The following TAF8 variants were observed in gnomAD, a reference collection of about 807,000 sequenced individuals.
The protein encoded by TAF8 is TATA-box binding protein associated factor 8, also known as transcription initiation factor TFIID subunit 8.
TAF8 carries 47 observed loss-of-function variants against 36.5 expected under a neutral mutation model. That is an observed-to-expected ratio of 1.29 (90% CI 1.02 to 1.64). The LOEUF is 1.64. Among genes scored for constraint, TAF8 ranks in the 40% most tolerant of loss-of-function variants. The pLI, the probability that TAF8 is intolerant of heterozygous loss-of-function variation, is 0.00. For missense variants in TAF8, 420 were observed against 407.6 expected (o/e 1.03, Z -0.26); for synonymous variants, 175 against 159.5 (o/e 1.10, Z -0.73).
chr6:42,059,710 C>G (rs1488377569), intron 5 of TAF8, among the ~76,000 whole-genome samples: 1 of 152,202 alleles, frequency 6.6e-6, no homozygotes, highest in African/African-American at 2.4e-5. Context: ...AAACTCTAAA[C>G]TAAGTTTCTC....
chr6:42,050,550 C>T lies in TAF8; in HGVS notation c.9C>T (p.Asp3=), dbSNP rs780682589. The change falls in exon 1 of 9, where the codon GAC becomes GAT. Residue 3 remains aspartate (D), a synonymous_variant. Coordinates refer to ENST00000372977, the MANE Select transcript of TAF8 (RefSeq NM_138572.3). Reference sequence around the variant, plus strand: ...CACTACGCCAGAACAAGATGGCCGACGCGGCGGCCACAGCTGGGGCCGGTG... The same window carrying T: ...CACTACGCCAGAACAAGATGGCCGATGCGGCGGCCACAGCTGGGGCCGGTG... MA[D]AAATAGAGGS... 58 of 1,555,476 alleles carry T rather than the reference C, an allele frequency of 3.7e-5. No homozygotes were observed. Among genetic ancestry groups the T allele is most frequent in the South Asian group, 2.7e-4 (23 of 84,394 alleles).
chr6:42,086,428 A>C (rs1426040538), downstream of TAF8, among the ~76,000 whole-genome samples: 1 of 152,238 alleles, frequency 6.6e-6, no homozygotes, highest in Non-Finnish European at 1.5e-5. Flanking sequence ...GAGAGAGCCA[A>C]GAAGTTCTGA....
At chr6:42,068,367 C>T in intron 6 of TAF8, 98 bp from the exon 7 acceptor site, 1 of 1,357,524 alleles carries the variant, frequency 7.4e-7, no homozygotes, top group South Asian at 1.2e-5. Flanking sequence ...GTATTATCTT[C>T]TGGTGCTGCT....
intron 7 of TAF8, among the ~76,000 whole-genome samples, chr6:42,076,057 A>C (rs572503459): frequency 2.0e-5 from 3 of 152,246 alleles, no homozygotes; most frequent in East Asian, 1.9e-4. Context: ...AAAATAAAAA[A>C]CTTAGCGGGA....
Position 42,081,170 on chromosome 6 carries a change from AG to A in TAF8, c.*3626del. The A allele has an allele frequency of 7.3e-6, 1 of 136,934 alleles. No individual in the cohort carries two copies. The highest frequency in any genetic ancestry group is 2.3e-4 in the South Asian group (1 of 4,272). The allele number at this position is 136,934 out of a possible 1,614,324, so 8.5% of individuals were successfully genotyped here. On this transcript the variant is annotated 3_prime_UTR_variant, in exon 9 of 9. Coordinates refer to ENST00000372977, the MANE Select transcript of TAF8 (RefSeq NM_138572.3). ...TGTCCTTTATTTTCTTTCCTCCTGG[AG>A]TGTGTGTGTGTGTGTGTGTGCGTGT...
At chr6:42,061,153 T>A (rs1449682061) in intron 5 of TAF8, among the ~76,000 whole-genome samples, 1 of 152,206 alleles carries the variant, frequency 6.6e-6, no homozygotes, top group Non-Finnish European at 1.5e-5. Flanking sequence ...AGATAAAATG[T>A]CTGTGGATGA....
intron 4 of TAF8, among the ~76,000 whole-genome samples, chr6:42,056,708 C>T (rs976806805): frequency 6.6e-6 from 1 of 152,166 alleles, no homozygotes; most frequent in Non-Finnish European, 1.5e-5. Context: ...GAGGTTCAAG[C>T]TATTCTCCTG....
chr6:42,051,451 AG>A lies in TAF8; in HGVS notation c.142del (p.Ala48GlnfsTer14), dbSNP rs770050640. ...GTGGTTGTGAGCTCCTTGCTGACAG[AG>A]GCAGGGTTTGAGAGTGCCGAGAAAG... is the stretch of plus-strand genomic sequence containing the variant. ...LQVVVSSLLTEAGFESAEKAS... is the reference protein window; with the variant it reads ...LQVVVSSLLTXAGFESAEKAS... On this transcript the variant is annotated frameshift_variant, in exon 2 of 9. Coordinates refer to ENST00000372977, the MANE Select transcript of TAF8 (RefSeq NM_138572.3). LOFTEE classifies it high-confidence loss of function. 6 of 1,614,014 alleles carry A rather than the reference AG, an allele frequency of 3.7e-6. No individual in the cohort carries two copies. In the African/African-American group the frequency reaches 4.0e-5, roughly 11 times the overall value.
Position 42,078,864 on chromosome 6 carries a change from G to A in TAF8, c.*1319G>A. ...GGGCTACGCGCAGTGGCTCACGCCT[G>A]TAATCCCAGCACTTCGGGAGGCGAA... On this transcript the variant is annotated 3_prime_UTR_variant, in exon 9 of 9. Coordinates refer to ENST00000372977, the MANE Select transcript of TAF8 (RefSeq NM_138572.3). 1 of 985,104 alleles carries A rather than the reference G, an allele frequency of 1.0e-6. No individual in the cohort carries two copies. Among genetic ancestry groups the A allele is most frequent in the Non-Finnish European group, 1.2e-6 (1 of 829,606 alleles). The allele number at this position is 985,104 out of a possible 1,614,324, so 61.0% of individuals were successfully genotyped here. A position where few individuals can be genotyped will look rare whatever the true frequency, so the allele number is the denominator to read the frequency against.
chr6:42,080,895 T>C lies in TAF8; in HGVS notation c.*3350T>C. 3.1e-6 allele frequency: 3 copies of C among 982,072 alleles called. No homozygotes were observed. The highest frequency in any genetic ancestry group is 3.6e-6 in the Non-Finnish European group (3 of 826,894). 60.8% of individuals were successfully genotyped at this position (982,072 alleles called of 1,614,324 possible). A position where few individuals can be genotyped will look rare whatever the true frequency, so the allele number is the denominator to read the frequency against. Reference sequence around the variant, plus strand: ...CAATAAAAATTCATAATAAAAACTTTGTAAATAAATAGAACTGTAAGCTTT... The same window carrying C: ...CAATAAAAATTCATAATAAAAACTTCGTAAATAAATAGAACTGTAAGCTTT... On this transcript the variant is annotated 3_prime_UTR_variant, in exon 9 of 9. Transcript: ENST00000372977.
chr6:42,080,649 T>C lies in TAF8; in HGVS notation c.*3104T>C, dbSNP rs1360741205. 8.2e-6 allele frequency: 8 copies of C among 977,336 alleles called. No individual in the cohort carries two copies. Among genetic ancestry groups the C allele is most frequent in the South Asian group, 9.5e-5 (2 of 21,144 alleles). The allele number at this position is 977,336 out of a possible 1,614,324, so 60.5% of individuals were successfully genotyped here. ...CCTCGGCCTCCCAGTGTGGGTGGGATTACAGGCATGAGCCACCGCGCCTGG... is the reference window on the plus strand; with the variant it reads ...CCTCGGCCTCCCAGTGTGGGTGGGACTACAGGCATGAGCCACCGCGCCTGG... On this transcript the variant is annotated 3_prime_UTR_variant, in exon 9 of 9. Coordinates refer to ENST00000372977, the MANE Select transcript of TAF8 (RefSeq NM_138572.3).
At chr6:42,052,444 C>T (rs1764828833) in intron 2 of TAF8, among the ~76,000 whole-genome samples, 1 of 151,948 alleles carries the variant, frequency 6.6e-6, no homozygotes, top group South Asian at 2.1e-4. Flanking sequence ...GCCACAGCCT[C>T]CCAAGTAGCT....
At chr6:42,072,338 C>T (rs1446537531) in intron 7 of TAF8, among the ~76,000 whole-genome samples, 1 of 152,176 alleles carries the variant, frequency 6.6e-6, no homozygotes, top group Non-Finnish European at 1.5e-5. Context: ...CTAGGAAATA[C>T]AATCATATGT....
downstream of TAF8, among the ~76,000 whole-genome samples, chr6:42,086,554 C>CT (rs1329243334): frequency 1.1e-4 from 17 of 152,148 alleles, no homozygotes; most frequent in African/African-American, 4.8e-5. Context: ...TTCAGGAACT[C>CT]TGAGTTCTCC....
chr6:42,059,000 C>T (rs1282383034), intron 5 of TAF8, among the ~76,000 whole-genome samples: 2 of 151,872 alleles, frequency 1.3e-5, no homozygotes, highest in African/African-American at 4.8e-5. Flanking sequence ...CAGTCTTCCC[C>T]AGCATTCGGG....
Position 42,079,446 on chromosome 6 carries a change from C to T in TAF8, c.*1901C>T. ...AAGGAAGAGTTTTTAAAACTAAATCCAAGGAAGAAAAATGTAACAACACGT... is the reference window on the plus strand; with the variant it reads ...AAGGAAGAGTTTTTAAAACTAAATCTAAGGAAGAAAAATGTAACAACACGT... On this transcript the variant is annotated 3_prime_UTR_variant, in exon 9 of 9. Transcript: ENST00000372977. The T allele has an allele frequency of 2.0e-6, 2 of 985,376 alleles. No individual in the cohort carries two copies. Among genetic ancestry groups the T allele is most frequent in the Non-Finnish European group, 2.4e-6 (2 of 829,920 alleles). 61.0% of individuals were successfully genotyped at this position (985,376 alleles called of 1,614,324 possible).
intron 5 of TAF8, 59 bp from the exon 6 acceptor site, chr6:42,066,253 T>A: frequency 6.3e-7 from 1 of 1,598,868 alleles, no homozygotes; most frequent in Non-Finnish European, 8.5e-7. Context: ...GCCAGGGAGC[T>A]GATGAAAGCA....
chr6:42,080,884 A>G lies in TAF8; in HGVS notation c.*3339A>G, dbSNP rs1467238513. 3 of 980,716 alleles carry G rather than the reference A, an allele frequency of 3.1e-6. No homozygotes were observed. The highest frequency in any genetic ancestry group is 3.6e-6 in the Non-Finnish European group (3 of 825,728). 60.8% of individuals were successfully genotyped at this position (980,716 alleles called of 1,614,324 possible). On this transcript the variant is annotated 3_prime_UTR_variant, in exon 9 of 9. Transcript: ENST00000372977. Reference sequence around the variant, plus strand: ...TATGAAAATCTCAATAAAAATTCATAATAAAAACTTTGTAAATAAATAGAA... The same window carrying G: ...TATGAAAATCTCAATAAAAATTCATGATAAAAACTTTGTAAATAAATAGAA...
intron 5 of TAF8, among the ~76,000 whole-genome samples, chr6:42,065,729 A>G (rs1357069784): frequency 2.0e-5 from 3 of 152,172 alleles, no homozygotes; most frequent in African/African-American, 4.8e-5. Context: ...ACCATCTGTC[A>G]TGGGAGCTGA....
Sources: allele counts gnomAD v4.1 joint callset (sites outside exome capture counted in the v4.1 genomes callset), GRCh38; gene constraint gnomAD v4.1.1; transcripts MANE v1.5; gene names NCBI Gene and HGNC (gene_info 2026-07-23, HGNC 2026-07-21).